Variants in GPC5 observed in about 807,000 individuals in gnomAD.
GPC5 encodes the protein glypican 5, also known as glypican-5.
In GPC5, 47 loss-of-function variants were observed where a neutral mutation model predicts 53.9. The ratio of observed to expected loss-of-function variants is 0.87; its 90% CI spans 0.69 to 1.11. The LOEUF is 1.11. GPC5 is among the 50% of genes most tolerant of loss of function. GPC5 has a pLI of 0.00. For synonymous variants in GPC5, 286 were observed against 263.3 expected, an observed-to-expected ratio of 1.09 and a Z score of -0.84; for missense variants, 748 against 713.1, an observed-to-expected ratio of 1.05 and a Z score of -0.56.
intron 7 of GPC5, among the ~76,000 whole-genome samples, chr13:92,778,540 C>T (rs560244042): frequency 2.8e-4 from 43 of 152,298 alleles, no homozygotes; most frequent in African/African-American, 8.9e-4. Context: ...GTACTTAATG[C>T]ATGTGACATT....
At chr13:92,524,042 G>A (rs1881176706) in intron 7 of GPC5, among the ~76,000 whole-genome samples, 1 of 152,084 alleles carries the variant, frequency 6.6e-6, no homozygotes, top group Non-Finnish European at 1.5e-5. Context: ...CAGAGTGGTG[G>A]TTGATGCTAA....
At chr13:91,679,625 G>T (rs920375771) in intron 2 of GPC5, among the ~76,000 whole-genome samples, 2 of 152,130 alleles carry the variant, frequency 1.3e-5, no homozygotes, top group Non-Finnish European at 2.9e-5. Flanking sequence ...CAAAACTGCT[G>T]GGGCTTTAGC....
intron 1 of GPC5, among the ~76,000 whole-genome samples, chr13:91,427,135 G>A (rs1202904525): frequency 6.6e-6 from 1 of 152,218 alleles, no homozygotes; most frequent in African/African-American, 2.4e-5. Context: ...AGTGCAGAAG[G>A]AAAATGTGGG....
chr13:92,597,186 T>C (rs1188472000), intron 7 of GPC5, among the ~76,000 whole-genome samples: 1 of 152,232 alleles, frequency 6.6e-6, no homozygotes, highest in Non-Finnish European at 1.5e-5. Context: ...CATCTGCCTT[T>C]ATTAATTCCA....
chr13:92,627,250 T>C (rs1208247983), intron 7 of GPC5, among the ~76,000 whole-genome samples: 2 of 152,214 alleles, frequency 1.3e-5, no homozygotes, highest in Non-Finnish European at 2.9e-5. Context: ...CTTTAGCAAT[T>C]TGAGGGGCAA....
intron 6 of GPC5, among the ~76,000 whole-genome samples, chr13:92,041,603 A>T (rs146357575): frequency 6.6e-6 from 1 of 152,320 alleles, no homozygotes; most frequent in Non-Finnish European, 1.5e-5. Flanking sequence ...AGCTGTGTCC[A>T]TTCAAGTGAT....
intron 2 of GPC5, among the ~76,000 whole-genome samples, chr13:91,650,283 A>T (rs2034666246): frequency 6.6e-6 from 1 of 152,040 alleles, no homozygotes; most frequent in Non-Finnish European, 1.5e-5. Flanking sequence ...CCCATCTCTC[A>T]CTTGTGTCCA....
intron 2 of GPC5, among the ~76,000 whole-genome samples, chr13:91,656,035 CCCATAGAGTCAG>C (rs1321360163): frequency 4.6e-5 from 7 of 152,132 alleles, no homozygotes; most frequent in African/African-American, 1.7e-4. Flanking sequence ...AGAAATGCTT[CCCATAGAGTCAG>C]CCCCTCTGCT....
chr13:91,869,409 GC>G (rs1161336474), intron 5 of GPC5, among the ~76,000 whole-genome samples: 1 of 152,128 alleles, frequency 6.6e-6, no homozygotes, highest in Non-Finnish European at 1.5e-5. Flanking sequence ...CTTGGACAAA[GC>G]CAGAGTCCTA....
chr13:91,889,157 T>C (rs2039358250), intron 5 of GPC5, among the ~76,000 whole-genome samples: 1 of 152,186 alleles, frequency 6.6e-6, no homozygotes, highest in Admixed American at 6.5e-5. Flanking sequence ...GCTTAGTATG[T>C]AAGATACTTT....
At chr13:91,983,026 T>C (rs190496174) in intron 6 of GPC5, among the ~76,000 whole-genome samples, 1 of 129,112 alleles carries the variant, frequency 7.7e-6, no homozygotes, top group East Asian at 3.5e-4. Context: ...CTTGGGTTAG[T>C]ACAACTGGAC....
intron 5 of GPC5, among the ~76,000 whole-genome samples, chr13:91,803,911 T>G (rs1369132911): frequency 6.6e-6 from 1 of 150,750 alleles, no homozygotes; most frequent in Non-Finnish European, 1.5e-5. Context: ...AGATAAATAG[T>G]GACAACAAAT....
At chr13:92,190,104 T>TA (rs1027267511) in intron 7 of GPC5, among the ~76,000 whole-genome samples, 11 of 151,840 alleles carry the variant, frequency 7.2e-5, no homozygotes, top group Non-Finnish European at 1.6e-4. Context: ...AAGAAGCTTA[T>TA]AAAAAAGCAA....
intron 6 of GPC5, among the ~76,000 whole-genome samples, chr13:92,013,341 C>T (rs1204370693): frequency 6.6e-6 from 1 of 152,130 alleles, no homozygotes; most frequent in Non-Finnish European, 1.5e-5. Context: ...TGAAGTTCAG[C>T]TGGTTCTTTT....
At chr13:92,292,372 T>C (rs1482402858) in intron 7 of GPC5, among the ~76,000 whole-genome samples, 1 of 152,244 alleles carries the variant, frequency 6.6e-6, no homozygotes, top group Non-Finnish European at 1.5e-5. Context: ...ACAGCCATTG[T>C]TGCTGGAGTA....
chr13:92,808,865 T>G (rs1051160371), intron 7 of GPC5, among the ~76,000 whole-genome samples: 6 of 152,172 alleles, frequency 3.9e-5, no homozygotes, highest in Non-Finnish European at 7.3e-5. Flanking sequence ...AATTGTTATC[T>G]ATTTAACTCC....
chr13:92,181,281 T>C (rs2042145167), intron 7 of GPC5, among the ~76,000 whole-genome samples: 2 of 152,222 alleles, frequency 1.3e-5, no homozygotes, highest in Non-Finnish European at 1.5e-5. Context: ...ATCCACAACA[T>C]ATAATTTCTT....
At chr13:92,531,979 C>A (rs2138988643) in intron 7 of GPC5, among the ~76,000 whole-genome samples, 1 of 152,252 alleles carries the variant, frequency 6.6e-6, no homozygotes, top group East Asian at 1.9e-4. Flanking sequence ...TCTTGCACCT[C>A]CCCAGATGCA....
chr13:92,858,090 G>A (rs568347509), intron 7 of GPC5, among the ~76,000 whole-genome samples: 1 of 152,244 alleles, frequency 6.6e-6, no homozygotes, highest in South Asian at 2.1e-4. Context: ...TGGTAGACTG[G>A]ATAAATAAAA....
Sources: allele counts gnomAD v4.1 joint callset (sites outside exome capture counted in the v4.1 genomes callset), GRCh38; gene constraint gnomAD v4.1.1; transcripts MANE v1.5; gene names NCBI Gene and HGNC (gene_info 2026-07-23, HGNC 2026-07-21).